Variants in ZNRF3 observed in about 807,000 individuals in gnomAD.
ZNRF3 encodes zinc and ring finger 3, also known as E3 ubiquitin-protein ligase ZNRF3.
In ZNRF3, 23 loss-of-function variants were observed where a neutral mutation model predicts 72.5. The observed-to-expected ratio is 0.32, with a 90% CI of 0.23 to 0.45. ZNRF3 has a LOEUF of 0.45. Among genes scored for constraint, ZNRF3 ranks in the 20% least tolerant of loss-of-function variants. The pLI is 1.00. For missense variants in ZNRF3, 1,169 were observed against 1,272.1 expected (o/e 0.92, Z 1.23); for synonymous variants, 610 against 545.3 (o/e 1.12, Z -1.65).
intron 2 of ZNRF3, chr22:29,025,779 CCCA>C (rs1396096056): frequency 6.6e-6 from 1 of 152,292 alleles, no homozygotes; most frequent in Non-Finnish European, 1.5e-5. Context: ...GCCTCAGCCT[CCCA>C]AAGTGCTGGG....
intron 1 of ZNRF3, among the ~76,000 whole-genome samples, chr22:28,954,893 G>A (rs1388035880): frequency 6.6e-6 from 1 of 151,896 alleles, no homozygotes; most frequent in Admixed American, 6.6e-5. Flanking sequence ...GGGATTACAG[G>A]CGTGAGCCAC....
In ZNRF3 at chr22:29,043,420, G is replaced by A. The variant is rs368142754; in HGVS notation, c.623G>A (p.Arg208His). ...QKVARARIQH[R>H]PPRQPTEYFD... ...GTGGCTCGAGCAAGGATCCAGCACC[G>A]CCCTCCTCGAGTGAGCCTCCGCACC... The change falls in exon 4 of 9, where the codon CGC (arginine) becomes CAC (histidine). Residue 208 changes from arginine to histidine, a missense_variant. Arg to His is a conservative substitution (Grantham distance 29). Transcript: ENST00000544604. 4.3e-6 allele frequency: 7 copies of A among 1,613,108 alleles called. No homozygotes were observed. Among genetic ancestry groups the A allele is most frequent in the African/African-American group, 2.7e-5 (2 of 74,802 alleles).
chr22:29,053,698 C>CA lies in ZNRF3; in HGVS notation c.*82dup. On this transcript the variant is annotated 3_prime_UTR_variant, in exon 9 of 9. Coordinates refer to ENST00000544604, the MANE Select transcript of ZNRF3 (RefSeq NM_001206998.2). ...ACTGACTTCTTTCAAAAAACAAAAA[C>CA]AAAAAATTTTTTTAGCTTTGACAAA... 6.8e-7 allele frequency: 1 copy of CA among 1,471,724 alleles called. No homozygotes were observed. Among genetic ancestry groups the CA allele is most frequent in the Non-Finnish European group, 9.2e-7 (1 of 1,085,208 alleles). The allele number at this position is 1,471,724 out of a possible 1,614,324, so 91.2% of individuals were successfully genotyped here.
intron 1 of ZNRF3, among the ~76,000 whole-genome samples, chr22:28,901,879 AGAAATGGCACCACTATTTTGT>A (rs1229663480): frequency 1.3e-5 from 2 of 150,968 alleles, no homozygotes; most frequent in Non-Finnish European, 2.9e-5. Flanking sequence ...TTTATGGTGC[AGAAATGGCACCACTATTTTGT>A]GAGTATTCCT....
chr22:28,946,631 T>C (rs2035056770), intron 1 of ZNRF3, among the ~76,000 whole-genome samples: 1 of 152,228 alleles, frequency 6.6e-6, no homozygotes, highest in Admixed American at 6.5e-5. Flanking sequence ...TCACTAGTTA[T>C]GGATGCCATC....
intron 8 of ZNRF3, 32 bp downstream of exon 8, chr22:29,050,980 A>G (rs1270629121): frequency 6.7e-7 from 1 of 1,497,198 alleles, no homozygotes; most frequent in Non-Finnish European, 8.8e-7. Flanking sequence ...AGGTCAGAGC[A>G]GGAGTTTCCA....
chr22:28,926,811 A>AG (rs1192263768), intron 1 of ZNRF3, among the ~76,000 whole-genome samples: 3 of 151,436 alleles, frequency 2.0e-5, no homozygotes, highest in African/African-American at 7.3e-5. Flanking sequence ...AAAAAAAAAA[A>AG]AAGAAAAGAA....
intron 4 of ZNRF3, among the ~76,000 whole-genome samples, chr22:29,044,041 T>C (rs1019576642): frequency 6.6e-6 from 1 of 152,234 alleles, no homozygotes; most frequent in African/African-American, 2.4e-5. Flanking sequence ...TCCAGGAACC[T>C]TGGGCTGGTG....
chr22:28,994,099 C>A (rs901924471), intron 2 of ZNRF3, among the ~76,000 whole-genome samples: 1 of 151,022 alleles, frequency 6.6e-6, no homozygotes, highest in East Asian at 1.9e-4. Flanking sequence ...ACCAAAAGCA[C>A]TAAACCAGGT....
intron 1 of ZNRF3, among the ~76,000 whole-genome samples, chr22:28,985,086 C>T (rs2035831703): frequency 6.6e-6 from 1 of 152,156 alleles, no homozygotes; most frequent in Admixed American, 6.5e-5. Flanking sequence ...ATTGAATTGT[C>T]AAGGAACTCT....
Position 29,049,289 on chromosome 22 carries a change from G to A in ZNRF3, c.1108G>A (p.Gly370Ser), listed in dbSNP as rs759777321. 9 of 1,613,848 alleles carry A rather than the reference G, an allele frequency of 5.6e-6. No homozygotes were observed. Among genetic ancestry groups the A allele is most frequent in the Middle Eastern group, 1.6e-4 (1 of 6,082 alleles). Residue 370 changes from glycine to serine, a missense_variant, in exon 8 of 9, where the codon GGC (glycine) becomes AGC (serine). Gly to Ser is a moderately conservative substitution (Grantham distance 56, BLOSUM62 0). Transcript: ENST00000544604. The surrounding 1 kb of genome is among the most constrained non-coding windows in gnomAD (Gnocchi z 5.2). ...QRVTLPVHYP[G>S]RVHRTNAIPA... The stretch of plus-strand genomic sequence containing the variant: ...GGTGACCCTGCCGGTGCATTACCCC[G>A]GCCGCGTGCACAGGACCAACGCCAT...
chr22:28,895,374 G>A (rs2033971933), intron 1 of ZNRF3, among the ~76,000 whole-genome samples: 1 of 152,178 alleles, frequency 6.6e-6, no homozygotes, highest in South Asian at 2.1e-4. Context: ...GTGCTGAAGG[G>A]CACCTTGAAA....
chr22:28,887,003 A>G (rs1301488493), intron 1 of ZNRF3, among the ~76,000 whole-genome samples: 3 of 152,192 alleles, frequency 2.0e-5, no homozygotes, highest in Non-Finnish European at 4.4e-5. Flanking sequence ...TTAGTGTTTT[A>G]TCGTCTCAGA....
intron 2 of ZNRF3, among the ~76,000 whole-genome samples, chr22:28,991,062 G>C (rs780356416): frequency 6.6e-6 from 1 of 151,832 alleles, no homozygotes; most frequent in Admixed American, 6.6e-5. Context: ...CGCGCCGATT[G>C]CATGAGCTCA....
At chr22:28,889,831 T>C (rs950131663) in intron 1 of ZNRF3, among the ~76,000 whole-genome samples, 1 of 152,198 alleles carries the variant, frequency 6.6e-6, no homozygotes, top group African/African-American at 2.4e-5. Context: ...TCATAGTTCA[T>C]TGAAAAATGA....
intron 1 of ZNRF3, among the ~76,000 whole-genome samples, chr22:28,961,560 C>T (rs2035359943): frequency 6.6e-6 from 1 of 152,162 alleles, no homozygotes; most frequent in African/African-American, 2.4e-5. Context: ...GGATAAGGAC[C>T]TCCTAGTGAC....
chr22:28,942,415 G>A (rs575581871), intron 1 of ZNRF3, among the ~76,000 whole-genome samples: 78 of 152,280 alleles, frequency 5.1e-4, no homozygotes, highest in Non-Finnish European at 9.1e-4. Flanking sequence ...GAAACTAAGT[G>A]ACAAATGCAA....
chr22:29,026,335 A>G (rs1225462533), intron 2 of ZNRF3: 1 of 152,132 alleles, frequency 6.6e-6, no homozygotes, highest in Non-Finnish European at 1.5e-5. Flanking sequence ...AATTCCTTCT[A>G]GTGGCAGAAC....
intron 5 of ZNRF3, 41 bp from the exon 6 acceptor site, chr22:29,046,675 T>A (rs951261003): frequency 1.3e-6 from 2 of 1,503,470 alleles, no homozygotes; most frequent in Admixed American, 2.1e-5. Flanking sequence ...GCCACTTTCA[T>A]ACGTACTGGA....
Sources: allele counts gnomAD v4.1 joint callset (sites outside exome capture counted in the v4.1 genomes callset), GRCh38; gene constraint gnomAD v4.1.1; non-coding constraint Gnocchi (gnomAD v3.1); transcripts MANE v1.5; gene names NCBI Gene and HGNC (gene_info 2026-07-23, HGNC 2026-07-21).